DGKQ: variants seen among roughly 807,000 people sequenced by gnomAD.
DGKQ encodes diacylglycerol kinase theta, also known as DAG kinase theta.
Under a neutral mutation model 104.2 loss-of-function variants are expected in DGKQ, and 97 were observed. The observed-to-expected ratio is 0.93, with a 90% confidence interval of 0.79 to 1.10. The LOEUF (loss-of-function observed/expected upper bound fraction) is 1.10. Among genes scored for constraint, DGKQ ranks in the 50% least tolerant of loss-of-function variants. DGKQ has a pLI of 0.00. For synonymous variants in DGKQ, 736 were observed against 595.2 expected, an observed-to-expected ratio of 1.24 and a Z score of -3.44; for missense variants, 1,465 against 1,352.1, an observed-to-expected ratio of 1.08 and a Z score of -1.31.
At chr4:970,394 AGAAGG>A (rs982055050) in intron 2 of DGKQ, among the ~76,000 whole-genome samples, 3 of 152,220 alleles carry the variant, frequency 2.0e-5, no homozygotes, top group African/African-American at 7.2e-5. Context: ...CTGTCACCAG[AGAAGG>A]GAAGTCCCCT....
At chr4:962,357 G>A in intron 18 of DGKQ, 78 bp downstream of exon 18, 1 of 1,395,980 alleles carries the variant, frequency 7.2e-7, no homozygotes, top group Admixed American at 2.2e-5. Flanking sequence ...TGGCTGGGAA[G>A]AGGACGCCCG....
In DGKQ at chr4:971,002, G is replaced by T; in HGVS notation, c.342C>A (p.Ser114Arg). 1 of 1,551,696 alleles carries T rather than the reference G, an allele frequency of 6.4e-7. No homozygotes were observed. Among genetic ancestry groups the T allele is most frequent in the Middle Eastern group, 1.7e-4 (1 of 5,944 alleles). The change falls in exon 2 of 23, where the codon AGC becomes AGA. Residue 114 changes from serine (S) to arginine (R), a missense_variant. Coordinates refer to ENST00000273814, the MANE Select transcript of DGKQ (RefSeq NM_001347.4). The surrounding 1 kb of genome is among the most constrained non-coding windows in gnomAD (Gnocchi z 4.0). ...VRIPCTSVAP[S>R]LVRVPVAHCF... ...CCAGCCCCACACTCACCCGGACCAGGCTGGGTGCCACACTCGTGCACGGGA... is the reference window on the plus strand; with the variant it reads ...CCAGCCCCACACTCACCCGGACCAGTCTGGGTGCCACACTCGTGCACGGGA...
Position 971,181 on chromosome 4 carries a change from C to G in DGKQ, c.272-109G>C. 1.3e-6 allele frequency: 1 copy of G among 783,114 alleles called. No homozygotes were observed. Among genetic ancestry groups the G allele is most frequent in the South Asian group, 1.6e-5 (1 of 61,734 alleles). The allele number at this position is 783,114 out of a possible 1,614,324, so 48.5% of individuals were successfully genotyped here. On this transcript the variant is annotated intron_variant, in intron 1 of 22. Coordinates refer to ENST00000273814, the MANE Select transcript of DGKQ (RefSeq NM_001347.4). The surrounding 1 kb of genome is among the most constrained non-coding windows in gnomAD (Gnocchi z 4.0). The stretch of plus-strand genomic sequence containing the variant: ...GACTGCCATACCCACCATGCTGCAC[C>G]AGGGGCCCTGTGGTCCTCGAGTTCC...
intron 13 of DGKQ, 60 bp downstream of exon 13, chr4:965,868 C>T: frequency 1.3e-6 from 2 of 1,493,190 alleles, no homozygotes; most frequent in South Asian, 2.6e-5. Flanking sequence ...TGCAGCCCCA[C>T]TGCCTGCCGC....
At chr4:964,106 AG>A (rs1358313585) in intron 15 of DGKQ, 1 of 154,612 alleles carries the variant, frequency 6.5e-6, no homozygotes, top group Non-Finnish European at 1.5e-5. Flanking sequence ...GACGGGAGAG[AG>A]AAAGCGCGTG....
At chr4:961,625 G>T in intron 20 of DGKQ, 47 bp from the exon 21 acceptor site, 1 of 1,610,266 alleles carries the variant, frequency 6.2e-7, no homozygotes, top group Non-Finnish European at 8.5e-7. Context: ...CAGGCAGGAC[G>T]AGGGCTGAGC....
chr4:970,887 G>C, intron 2 of DGKQ, 106 bp downstream of exon 2: 1 of 799,106 alleles, frequency 1.3e-6, no homozygotes, highest in Non-Finnish European at 2.0e-6. Context: ...CCTTTCAACT[G>C]CAGGTATCAC....
chr4:972,947 C>T (rs1465384230), intron 1 of DGKQ, among the ~76,000 whole-genome samples: 2 of 152,160 alleles, frequency 1.3e-5, no homozygotes, highest in African/African-American at 4.8e-5. Context: ...TGAGGTCCCG[C>T]TCGCATCAGG....
At chr4:964,830 G>A (rs1287159856) in intron 15 of DGKQ, among the ~76,000 whole-genome samples, 16 of 152,210 alleles carry the variant, frequency 1.1e-4, no homozygotes. Flanking sequence ...GGCACATCCA[G>A]GAGCTGCGTC....
chr4:970,994 C>G lies in DGKQ; in HGVS notation c.350G>C (p.Arg117Pro), dbSNP rs746541173. 2 of 1,550,522 alleles carry G rather than the reference C, an allele frequency of 1.3e-6. No individual in the cohort carries two copies. The highest frequency in any genetic ancestry group is 4.9e-5 in the East Asian group (2 of 41,172). ...TGCAACACCCAGCCCCACACTCACC[C>G]GGACCAGGCTGGGTGCCACACTCGT... The part of the protein sequence containing the change: ...PCTSVAPSLV[R>P]VPVAHCFGPR... Residue 117 changes from arginine (R) to proline (P), a missense_variant and splice_region_variant, in exon 2 of 23, where the codon CGG becomes CCG. Transcript: ENST00000273814.
At chr4:965,608 GT>G (rs1712249699) in intron 13 of DGKQ, 79 bp from the exon 14 acceptor site, 1 of 1,502,930 alleles carries the variant, frequency 6.7e-7, no homozygotes, top group Non-Finnish European at 9.1e-7. Flanking sequence ...CCCTCCGCCT[GT>G]CCAGGGGTGA....
chr4:971,386 G>C lies in DGKQ; in HGVS notation c.272-314C>G, dbSNP rs2153011448. Among the ~76,000 whole-genome samples, 1 of 152,330 alleles carries C rather than the reference G, an allele frequency of 6.6e-6. No homozygotes were observed. The highest frequency in any genetic ancestry group is 1.9e-4 in the East Asian group (1 of 5,186). On this transcript the variant is annotated intron_variant, in intron 1 of 22. Transcript: ENST00000273814. This position sits in a 1 kb window ranked among gnomAD's most constrained non-coding sequence, Gnocchi z 4.0. ...GCCTCTGCAGTTGGGCCTCTCAAGG[G>C]GCAGCCCTGGGCTCACCAGGTTCGC...
At chr4:965,139 T>C in intron 15 of DGKQ, 37 bp downstream of exon 15, 1 of 1,577,894 alleles carries the variant, frequency 6.3e-7, no homozygotes, top group Non-Finnish European at 8.7e-7. Flanking sequence ...GGCCACCCCC[T>C]GGGGTGTGTG....
At position 968,892 on chromosome 4, in the gene DGKQ, A is replaced by C; in HGVS notation, c.370T>G (p.Phe124Val). The change falls in exon 3 of 23, where the codon TTC becomes GTC. Residue 124 changes from phenylalanine to valine, a missense_variant. Coordinates refer to ENST00000273814, the MANE Select transcript of DGKQ (RefSeq NM_001347.4). ...SLVRVPVAHC[F>V]GPRGLHKRKF... ...CGCTTGTGGAGCCCCCGGGGGCCGAAGCAGTGGGCTACAGGAACCTGGTGG... is the reference window on the plus strand; with the variant it reads ...CGCTTGTGGAGCCCCCGGGGGCCGACGCAGTGGGCTACAGGAACCTGGTGG... The C allele has an allele frequency of 3.1e-6, 5 of 1,598,036 alleles. No individual in the cohort carries two copies. Among genetic ancestry groups the C allele is most frequent in the Non-Finnish European group, 3.4e-6 (4 of 1,170,220 alleles).
Position 960,868 on chromosome 4 carries a change from T to C in DGKQ, c.2728-147A>G, listed in dbSNP as rs933642961. ...GGGAGGGACCTGTCTGGCTGCTCCC[T>C]GTGCCACCTGTGGCCCGCCTGGCCA... On this transcript the variant is annotated intron_variant, in intron 22 of 22. Coordinates refer to ENST00000273814, the MANE Select transcript of DGKQ (RefSeq NM_001347.4). 6.8e-6 allele frequency: 10 copies of C among 1,475,710 alleles called. 1 individual carries two copies. The highest frequency in any genetic ancestry group is 4.5e-6 in the Non-Finnish European group (5 of 1,109,362). The allele number at this position is 1,475,710 out of a possible 1,614,324, so 91.4% of individuals were successfully genotyped here.
chr4:965,040 G>A, intron 15 of DGKQ, 136 bp downstream of exon 15: 1 of 673,594 alleles, frequency 1.5e-6, no homozygotes, highest in Non-Finnish European at 2.6e-6. Context: ...GCACCTACAA[G>A]CCCCCAGTGA....
rs1712492528 is a variant in DGKQ at position 967,517 on chromosome 4, G to A, written c.987+32C>T. The A allele has an allele frequency of 1.9e-6, 3 of 1,599,950 alleles. No homozygotes were observed. The East Asian group carries it at 6.7e-5, about 36-fold the overall frequency. The stretch of plus-strand genomic sequence containing the variant: ...GTGCGGGGACATGCGGTCCTGGGAG[G>A]GGGCTCAGACCTCCCCCAGCCTCCC... On this transcript the variant is annotated intron_variant, in intron 8 of 22. Coordinates refer to ENST00000273814, the MANE Select transcript of DGKQ (RefSeq NM_001347.4).
intron 1 of DGKQ, among the ~76,000 whole-genome samples, chr4:972,635 G>A (rs1713023957): frequency 6.6e-6 from 1 of 152,210 alleles, no homozygotes; most frequent in South Asian, 2.1e-4. Context: ...TCCCTCCAGA[G>A]GCTGGGCTGT....
chr4:963,692 A>C (rs1021286859), intron 15 of DGKQ, among the ~76,000 whole-genome samples: 1 of 152,216 alleles, frequency 6.6e-6, no homozygotes. Context: ...CCTCTGGTGC[A>C]CACCTTTGGA....
Sources: gnomAD v4.1 joint callset for allele counts (sites outside exome capture counted in the v4.1 genomes callset) on GRCh38, gnomAD v4.1.1 for gene constraint, Gnocchi (gnomAD v3.1) non-coding constraint, MANE v1.5 for transcripts, NCBI Gene and HGNC (gene_info 2026-07-23, HGNC 2026-07-21) for gene names.